Variants in AJAP1 observed in about 807,000 individuals in gnomAD.
AJAP1 encodes the protein adherens junctions associated protein 1.
AJAP1 carries 5 observed loss-of-function variants against 35.0 expected under a neutral mutation model. The observed-to-expected ratio is 0.14, with a 90% CI of 0.07 to 0.30. The LOEUF (loss-of-function observed/expected upper bound fraction) is 0.30. Among genes scored for constraint, AJAP1 ranks in the 10% least tolerant of loss-of-function variants. The probability of loss-of-function intolerance (pLI) is 1.00; values close to 1 mark genes in which losing one functional copy is unlikely to be tolerated. For missense variants in AJAP1, 586 were observed against 571.0 expected (o/e 1.03, Z -0.27); for synonymous variants, 284 against 249.3 (o/e 1.14, Z -1.31).
At chr1:4,681,708 T>C (rs530419109) in intron 1 of AJAP1, among the ~76,000 whole-genome samples, 1 of 152,294 alleles carries the variant, frequency 6.6e-6, no homozygotes, top group East Asian at 1.9e-4. Context: ...TCCAGAATAG[T>C]GCACCCTGGA....
At chr1:4,773,559 TGGA>T (rs1641885473) in intron 4 of AJAP1, among the ~76,000 whole-genome samples, 1 of 152,260 alleles carries the variant, frequency 6.6e-6, no homozygotes, top group African/African-American at 2.4e-5. Context: ...CCTTCCCTTC[TGGA>T]GGAGGACAGT....
At chr1:4,765,709 G>A (rs1290887388) in intron 2 of AJAP1, among the ~76,000 whole-genome samples, 1 of 152,172 alleles carries the variant, frequency 6.6e-6, no homozygotes, top group Non-Finnish European at 1.5e-5. Context: ...AGTTCTAAGA[G>A]CCATCGAAGG....
At chr1:4,699,723 C>A (rs1223850476) in intron 1 of AJAP1, among the ~76,000 whole-genome samples, 1 of 152,144 alleles carries the variant, frequency 6.6e-6, no homozygotes, top group Non-Finnish European at 1.5e-5. Flanking sequence ...AACTTCCCTC[C>A]CTGAGCCCCA....
chr1:4,746,810 C>T (rs1244022236), intron 2 of AJAP1, among the ~76,000 whole-genome samples: 1 of 152,154 alleles, frequency 6.6e-6, no homozygotes, highest in African/African-American at 2.4e-5. Context: ...GGCCTGTGTG[C>T]TCCCCAGCCT....
chr1:4,724,825 C>G (rs1436197459), intron 2 of AJAP1, among the ~76,000 whole-genome samples: 1 of 152,212 alleles, frequency 6.6e-6, no homozygotes, highest in East Asian at 1.9e-4. Flanking sequence ...GCAGATCTTG[C>G]AATCTTTAGG....
At chr1:4,735,026 C>A (rs1206145232) in intron 2 of AJAP1, among the ~76,000 whole-genome samples, 1 of 152,240 alleles carries the variant, frequency 6.6e-6, no homozygotes, top group African/African-American at 2.4e-5. Flanking sequence ...TGGGAGCCGT[C>A]CTGCTTTGCT....
rs1183247766 is a variant in AJAP1 at position 4,692,448 on chromosome 1, T to G, written c.30-19452T>G. On this transcript the variant is annotated intron_variant, in intron 1 of 5. Coordinates refer to ENST00000378191, the MANE Select transcript of AJAP1 (RefSeq NM_018836.4). The surrounding 1 kb of genome is among the most constrained non-coding windows in gnomAD (Gnocchi z 4.4). ...TGGGACTCATCATTACGAGGACTTG[T>G]AATTGCTTTGCTGGCTGGGTCCCAA... 6.6e-6 allele frequency among the ~76,000 whole-genome samples: 1 copy of G among 152,164 alleles called. No individual in the cohort carries two copies. Among genetic ancestry groups the G allele is most frequent in the Non-Finnish European group, 1.5e-5 (1 of 68,028 alleles).
rs1054885579 is a variant in AJAP1, at chr1:4,712,334, G to T, written c.464G>T (p.Gly155Val). Reference protein sequence around the residue: ...APEQQALLRRGKRHLQGDGLS... With the variant: ...APEQQALLRRVKRHLQGDGLS... ...GAGCAGCAGGCCCTCCTGAGGAGGG[G>T]CAAGAGGCACCTGCAGGGGGACGGT... Residue 155 changes from glycine to valine, a missense_variant, in exon 2 of 6, where the codon GGC becomes GTC. Coordinates refer to ENST00000378191, the MANE Select transcript of AJAP1 (RefSeq NM_018836.4). The T allele has an allele frequency of 5.3e-6, 8 of 1,496,058 alleles. No homozygotes were observed. Among genetic ancestry groups the T allele is most frequent in the East Asian group, 2.4e-5 (1 of 41,090 alleles). 92.7% of individuals were successfully genotyped at this position (1,496,058 alleles called of 1,614,324 possible).
intron 3 of AJAP1, 116 bp downstream of exon 3, chr1:4,770,056 T>A: frequency 1.1e-6 from 1 of 933,528 alleles, no homozygotes; most frequent in Non-Finnish European, 1.7e-6. Flanking sequence ...GCTTCTGCCC[T>A]GGGCAGTTCA....
At chr1:4,667,239 T>G (rs1304377311) in intron 1 of AJAP1, among the ~76,000 whole-genome samples, 1 of 152,078 alleles carries the variant, frequency 6.6e-6, no homozygotes, top group Non-Finnish European at 1.5e-5. Flanking sequence ...TTACTCAGAA[T>G]TAGTCTGAGG....
intron 2 of AJAP1, among the ~76,000 whole-genome samples, chr1:4,739,436 C>A (rs3753704): frequency 6.6e-6 from 1 of 152,202 alleles, no homozygotes; most frequent in East Asian, 1.9e-4. Context: ...CAGTCCACCC[C>A]CTACCCTCGT....
chr1:4,764,605 C>G (rs1352788832), intron 2 of AJAP1, among the ~76,000 whole-genome samples: 2 of 152,232 alleles, frequency 1.3e-5, no homozygotes, highest in Non-Finnish European at 2.9e-5. Flanking sequence ...TCACCTGTCA[C>G]CTATCAAACT....
At chr1:4,744,445 G>T (rs1014020915) in intron 2 of AJAP1, among the ~76,000 whole-genome samples, 1 of 152,194 alleles carries the variant, frequency 6.6e-6, no homozygotes, top group African/African-American at 2.4e-5. Flanking sequence ...TGTGGGGAGA[G>T]GCCTCGGGGG....
At chr1:4,781,088 G>C (rs562020574) in intron 5 of AJAP1, among the ~76,000 whole-genome samples, 69 of 152,286 alleles carry the variant, frequency 4.5e-4, no homozygotes, top group African/African-American at 1.6e-3. Flanking sequence ...TCCTGGAGAT[G>C]ATCAGAGACG....
rs533395039 is a variant in AJAP1 at position 4,667,182 on chromosome 1, C to T, written c.29+11728C>T. Among the ~76,000 whole-genome samples, 62 of 152,202 alleles carry T rather than the reference C, an allele frequency of 4.1e-4. 1 individual carries two copies. Among genetic ancestry groups the T allele is most frequent in the East Asian group, 3.1e-3 (16 of 5,168 alleles). ...GCGGGGAAGACAACTGGCCTGGCCC[C>T]AGGAAACACGTCTGCGGTCAGTTGC... On this transcript the variant is annotated intron_variant, in intron 1 of 5. Transcript: ENST00000378191.
In AJAP1 at chr1:4,712,643, G is replaced by C. The variant is rs768152046; in HGVS notation, c.773G>C (p.Ser258Thr). 9 of 1,552,424 alleles carry C rather than the reference G, an allele frequency of 5.8e-6. No individual in the cohort carries two copies. Among genetic ancestry groups the C allele is most frequent in the Non-Finnish European group, 7.9e-6 (9 of 1,144,814 alleles). ...GGVSTTEPST[S>T]PSNNGEVTQP... ...GTTAGCACAACGGAGCCTTCCACCA[G>C]TCCCAGCAACAACGGGGAAGTCACC... Residue 258 changes from serine (S) to threonine (T), a missense_variant, in exon 2 of 6, where the codon AGT becomes ACT. Coordinates refer to ENST00000378191, the MANE Select transcript of AJAP1 (RefSeq NM_018836.4).
intron 1 of AJAP1, among the ~76,000 whole-genome samples, chr1:4,705,657 GA>G (rs1047725188): frequency 4.0e-5 from 6 of 151,790 alleles, no homozygotes; most frequent in African/African-American, 1.5e-4. Flanking sequence ...CCAAAACACA[GA>G]AGGCCGGTCT....
At chr1:4,686,545 C>T (rs891890648) in intron 1 of AJAP1, among the ~76,000 whole-genome samples, 14 of 152,228 alleles carry the variant, frequency 9.2e-5, no homozygotes, top group South Asian at 2.1e-4. Context: ...AAACCCCAGT[C>T]TTTATGGATA....
At chr1:4,700,218 C>A (rs1479203380) in intron 1 of AJAP1, among the ~76,000 whole-genome samples, 1 of 152,158 alleles carries the variant, frequency 6.6e-6, no homozygotes, top group East Asian at 1.9e-4. Flanking sequence ...CCTTCTTGCC[C>A]ACCACCCACA....
Sources: gnomAD v4.1 joint callset for allele counts (sites outside exome capture counted in the v4.1 genomes callset) on GRCh38, gnomAD v4.1.1 for gene constraint, Gnocchi (gnomAD v3.1) non-coding constraint, MANE v1.5 for transcripts, NCBI Gene and HGNC (gene_info 2026-07-23, HGNC 2026-07-21) for gene names.